The following CABIN1 variants were observed in gnomAD, a reference collection of about 807,000 sequenced individuals.
The protein encoded by CABIN1 is calcineurin-binding protein cabin-1.
Under a neutral mutation model 227.7 loss-of-function variants are expected in CABIN1, and 133 were observed. The ratio of observed to expected loss-of-function variants is 0.58; its 90% CI spans 0.51 to 0.67. The LOEUF (loss-of-function observed/expected upper bound fraction) is 0.67. Among genes scored for constraint, CABIN1 ranks in the 30% least tolerant of loss-of-function variants. The probability of loss-of-function intolerance (pLI) is 0.00; values close to 1 mark genes in which losing one functional copy is unlikely to be tolerated. For missense variants in CABIN1, 2,408 were observed against 2,852.5 expected (o/e 0.84, Z 3.55); for synonymous variants, 1,086 against 1,155.1 (o/e 0.94, Z 1.21).
At chr22:24,052,642 T>G (rs1462393273) in intron 8 of CABIN1, among the ~76,000 whole-genome samples, 1 of 151,554 alleles carries the variant, frequency 6.6e-6, no homozygotes, top group Non-Finnish European at 1.5e-5. Context: ...ATAAACAAAA[T>G]TAGCCAGATA....
intron 33 of CABIN1, among the ~76,000 whole-genome samples, chr22:24,168,928 C>G (rs2046621928): frequency 6.6e-6 from 1 of 152,166 alleles, no homozygotes; most frequent in Non-Finnish European, 1.5e-5. Flanking sequence ...CCCACCGCCC[C>G]AGGGGAGGAC....
Position 24,013,695 on chromosome 22 carries a change from A to T in CABIN1, c.-75+2328A>T, listed in dbSNP as rs779144857. 3.9e-4 allele frequency among the ~76,000 whole-genome samples: 59 copies of T among 152,266 alleles called. No individual in the cohort carries two copies. The Middle Eastern group carries it at 0.017, about 44-fold the overall frequency. On this transcript the variant is annotated intron_variant, in intron 1 of 36. Coordinates refer to ENST00000263119, the MANE Select transcript of CABIN1 (RefSeq NM_012295.4). ...TGATATGAATGTTACCATTTTTTAA[A>T]TTAAGGTTGTGTTTTCATTCCAGGA...
Position 24,042,407 on chromosome 22 carries a change from C to T in CABIN1, c.346-497C>T, listed in dbSNP as rs1013075213. 3.3e-5 allele frequency among the ~76,000 whole-genome samples: 5 copies of T among 152,036 alleles called. No individual in the cohort carries two copies. The South Asian group carries it at 8.3e-4, about 25-fold the overall frequency. Reference sequence around the variant, plus strand: ...ACAAGCCTGGATAACATACTAAGACCGTGTCTCTACAAAAAAATTGAAAAT... The same window carrying T: ...ACAAGCCTGGATAACATACTAAGACTGTGTCTCTACAAAAAAATTGAAAAT... On this transcript the variant is annotated intron_variant, in intron 5 of 36. Coordinates refer to ENST00000263119, the MANE Select transcript of CABIN1 (RefSeq NM_012295.4).
intron 26 of CABIN1, among the ~76,000 whole-genome samples, chr22:24,112,432 G>C (rs1039885611): frequency 6.6e-6 from 1 of 152,126 alleles, no homozygotes; most frequent in Admixed American, 6.5e-5. Flanking sequence ...GCTTAGTAGG[G>C]GAGCTGGTTT....
At chr22:24,149,215 A>C (rs1316238221) in intron 29 of CABIN1, among the ~76,000 whole-genome samples, 1 of 152,188 alleles carries the variant, frequency 6.6e-6, no homozygotes, top group Non-Finnish European at 1.5e-5. Flanking sequence ...CCCGGTGAGG[A>C]TCACCCCAGC....
In CABIN1 at chr22:24,117,938, C is replaced by G. The variant is rs182287187; in HGVS notation, c.4301-1429C>G. On this transcript the variant is annotated intron_variant, in intron 27 of 36. Coordinates refer to ENST00000263119, the MANE Select transcript of CABIN1 (RefSeq NM_012295.4). ...TTTTTTAATAAAGTGATGGTATCCC[C>G]TGTAAGATGGGTGCCAGCCCTAAGC... Among the ~76,000 whole-genome samples the G allele has an allele frequency of 3.9e-5, 6 of 152,332 alleles. No individual in the cohort carries two copies. The East Asian group carries it at 1.2e-3, about 29-fold the overall frequency.
chr22:24,023,483 A>G (rs1159479845), intron 1 of CABIN1, among the ~76,000 whole-genome samples: 1 of 152,152 alleles, frequency 6.6e-6, no homozygotes, highest in Non-Finnish European at 1.5e-5. Context: ...GGGCTGGACC[A>G]TTTTACATTC....
At chr22:24,051,620 C>T (rs762271) in intron 8 of CABIN1, among the ~76,000 whole-genome samples, 8,739 of 152,142 alleles carry the variant, frequency 0.057, 295 homozygotes, top group South Asian at 0.11. Flanking sequence ...TCCATTTCTA[C>T]TCCCCACCCC....
intron 16 of CABIN1, among the ~76,000 whole-genome samples, chr22:24,069,502 C>T (rs183329167): frequency 6.6e-5 from 10 of 152,262 alleles, no homozygotes; most frequent in East Asian, 1.9e-4. Context: ...TTTAGAGCAC[C>T]GTTAGCAGGT....
chr22:24,037,699 C>T (rs906261276), intron 3 of CABIN1, among the ~76,000 whole-genome samples: 2 of 152,064 alleles, frequency 1.3e-5, no homozygotes, highest in Non-Finnish European at 2.9e-5. Flanking sequence ...CTCCATATAC[C>T]AACTGGGTGT....
chr22:24,176,292 G>T lies in CABIN1; in HGVS notation c.6205+17G>T. The T allele has an allele frequency of 6.3e-7, 1 of 1,587,148 alleles. No homozygotes were observed. The highest frequency in any genetic ancestry group is 2.3e-5 in the East Asian group (1 of 43,324). On this transcript the variant is annotated intron_variant, in intron 35 of 36. Transcript: ENST00000263119. The stretch of plus-strand genomic sequence containing the variant: ...GCAGCCAGGGTAAGGCGAGTTGGGA[G>T]CAGCCCAGCACCAGCCCCCAGGAGG...
chr22:24,019,650 CT>C (rs34361694), intron 1 of CABIN1, among the ~76,000 whole-genome samples: 9,723 of 87,464 alleles, frequency 0.11, 145 homozygotes, highest in African/African-American at 0.23. Flanking sequence ...TTTCTTTACC[CT>C]TTTTTTTTTT....
At chr22:24,157,359 G>A (rs961799286) in intron 29 of CABIN1, among the ~76,000 whole-genome samples, 3 of 152,166 alleles carry the variant, frequency 2.0e-5, no homozygotes, top group Admixed American at 1.3e-4. Flanking sequence ...TCCTGAGTAG[G>A]GAGGCTCCAG....
chr22:24,043,023 T>C lies in CABIN1; in HGVS notation c.465T>C (p.Pro155=). 6.2e-7 allele frequency: 1 copy of C among 1,614,072 alleles called. No individual in the cohort carries two copies. Among genetic ancestry groups the C allele is most frequent in the Non-Finnish European group, 8.5e-7 (1 of 1,180,008 alleles). The change falls in exon 6 of 37, where the codon CCT becomes CCC. Residue 155 remains proline (P), a synonymous_variant. Coordinates refer to ENST00000263119, the MANE Select transcript of CABIN1 (RefSeq NM_012295.4). The part of the protein sequence containing the change: ...HAFEEGLRCN[P]DHWPCLDNLI... ...TTGAGGAAGGGCTGCGGTGCAATCC[T>C]GACCACTGGCCCTGTTTGGATAACC...
chr22:24,139,783 C>G (rs570527822), intron 29 of CABIN1, among the ~76,000 whole-genome samples: 4 of 152,326 alleles, frequency 2.6e-5, no homozygotes, highest in African/African-American at 9.6e-5. Context: ...CCTAAGTCCC[C>G]TGGCCTGGCC....
rs908357938 is a variant in CABIN1, at chr22:24,098,325, C to T, written c.4117+133C>T. 21 of 1,538,216 alleles carry T rather than the reference C, an allele frequency of 1.4e-5. No individual in the cohort carries two copies. In the Admixed American group the frequency reaches 1.7e-4, roughly 12 times the overall value. ...GTCTGGGGTGACACGGGCAATGTTG[C>T]GGCTGCTCATTAACCTCATGGATTC... On this transcript the variant is annotated intron_variant, in intron 26 of 36. Transcript: ENST00000263119.
chr22:24,058,362 T>C (rs760450749), intron 10 of CABIN1, among the ~76,000 whole-genome samples: 2 of 152,200 alleles, frequency 1.3e-5, no homozygotes, highest in Non-Finnish European at 2.9e-5. Context: ...AAGAGCAACA[T>C]GGTAGCTCGC....
chr22:24,020,898 A>G (rs1488593639), intron 1 of CABIN1, among the ~76,000 whole-genome samples: 1 of 152,016 alleles, frequency 6.6e-6, no homozygotes, highest in Non-Finnish European at 1.5e-5. Context: ...CATTTCTGTT[A>G]TCAAGGTGTG....
chr22:24,094,017 G>A (rs530601916), intron 24 of CABIN1, among the ~76,000 whole-genome samples: 9 of 152,216 alleles, frequency 5.9e-5, no homozygotes, highest in Non-Finnish European at 1.2e-4. Context: ...TTGGATCTCC[G>A]TCCTTCCCTG....
Sources: allele counts gnomAD v4.1 joint callset (sites outside exome capture counted in the v4.1 genomes callset), GRCh38; gene constraint gnomAD v4.1.1; transcripts MANE v1.5; gene names NCBI Gene and HGNC (gene_info 2026-07-23, HGNC 2026-07-21).